Variants in TLN2 observed in about 807,000 individuals in gnomAD.
TLN2 encodes talin-2.
A neutral mutation model predicts 294.7 loss-of-function variants in TLN2; 118 were observed. The ratio of observed to expected loss-of-function variants is 0.40; its 90% confidence interval spans 0.34 to 0.47. The LOEUF (loss-of-function observed/expected upper bound fraction) is 0.47, where lower values mean the gene tolerates loss of function less well. Ranked by LOEUF, TLN2 falls within the 20% of genes least tolerant of loss-of-function variation. The probability of loss-of-function intolerance (pLI) is 0.84; values close to 1 mark genes in which losing one functional copy is unlikely to be tolerated. For synonymous variants in TLN2, 1,431 were observed against 1,304.5 expected, an observed-to-expected ratio of 1.10 and a Z score of -2.09; for missense variants, 3,083 against 3,282.2, an observed-to-expected ratio of 0.94 and a Z score of 1.48.
At chr15:62,642,898 C>T (rs1452314653) in intron 3 of TLN2, among the ~76,000 whole-genome samples, 5 of 152,086 alleles carry the variant, frequency 3.3e-5, no homozygotes, top group South Asian at 2.1e-4. Flanking sequence ...GAAGGGGTTT[C>T]GCCATGTTGG....
intron 3 of TLN2, chr15:62,637,297 T>A (rs1281639497): frequency 6.6e-6 from 1 of 152,226 alleles, no homozygotes; most frequent in Non-Finnish European, 1.5e-5. Flanking sequence ...AGTTAATGTA[T>A]AAAAGAATTC....
intron 11 of TLN2, among the ~76,000 whole-genome samples, chr15:62,684,475 C>T (rs957071562): frequency 7.2e-5 from 11 of 152,176 alleles, no homozygotes; most frequent in African/African-American, 2.7e-4. Flanking sequence ...AAAAATCTGA[C>T]GCTTGTCAGT....
At chr15:62,788,796 A>G (rs1321276695) in intron 45 of TLN2, among the ~76,000 whole-genome samples, 1 of 152,242 alleles carries the variant, frequency 6.6e-6, no homozygotes, top group East Asian at 1.9e-4. Context: ...CTCCTTTTCC[A>G]GCAGTACACA....
intron 1 of TLN2, among the ~76,000 whole-genome samples, chr15:62,481,041 A>G (rs1485997580): frequency 6.6e-6 from 1 of 152,062 alleles, no homozygotes; most frequent in African/African-American, 2.4e-5. Flanking sequence ...CCCCATTCCA[A>G]CGAACTAGTC....
chr15:62,594,265 G>A (rs1211150426), intron 2 of TLN2, among the ~76,000 whole-genome samples: 5 of 152,202 alleles, frequency 3.3e-5, no homozygotes, highest in Non-Finnish European at 7.4e-5. Flanking sequence ...CTGGAGTGCT[G>A]TGGTGAGTCC....
At chr15:62,527,312 T>G (rs1399028117) in intron 1 of TLN2, among the ~76,000 whole-genome samples, 2 of 152,134 alleles carry the variant, frequency 1.3e-5, no homozygotes, top group African/African-American at 4.8e-5. Context: ...TCTTGGCTGG[T>G]TGAGCTGGGA....
intron 42 of TLN2, among the ~76,000 whole-genome samples, chr15:62,773,458 A>T (rs188036414): frequency 1.3e-5 from 2 of 152,070 alleles, no homozygotes; most frequent in Admixed American, 6.5e-5. Context: ...GTCTCATTCA[A>T]CCTGCTCTCT....
chr15:62,488,253 A>G (rs2038518741), intron 1 of TLN2, among the ~76,000 whole-genome samples: 1 of 152,236 alleles, frequency 6.6e-6, no homozygotes, highest in Admixed American at 6.5e-5. Flanking sequence ...TCCATAGTAC[A>G]GTTATAAATC....
intron 2 of TLN2, among the ~76,000 whole-genome samples, chr15:62,612,342 G>A (rs2047986330): frequency 6.6e-6 from 1 of 152,128 alleles, no homozygotes; most frequent in Non-Finnish European, 1.5e-5. Context: ...ACAGTCTGCT[G>A]CCTCTAGGAA....
chr15:62,738,076 A>AG (rs910626114), intron 29 of TLN2, 138 bp from the exon 30 acceptor site: 16 of 908,132 alleles, frequency 1.8e-5, no homozygotes, highest in Non-Finnish European at 1.5e-5. Context: ...AGGTGATGTA[A>AG]GACAGGTAAG....
At position 62,651,991 on chromosome 15, in the gene TLN2, G is replaced by C. The variant is rs1033216029; in HGVS notation, c.235-14G>C. ...CCCACACAGTGTGAAATTTGTATGT[G>C]GTTTGTGCTCTAGGATATTTTGGAA... On this transcript the variant is annotated splice_polypyrimidine_tract_variant and intron_variant, in intron 5 of 58. Transcript: ENST00000636159. 2.5e-6 allele frequency: 4 copies of C among 1,587,756 alleles called. No homozygotes were observed. The African/African-American group carries it at 5.4e-5, about 21-fold the overall frequency.
At position 62,740,432 on chromosome 15, in the gene TLN2, C is replaced by G. The variant is rs547126717; in HGVS notation, c.3886-198C>G. 13 of 627,594 alleles carry G rather than the reference C, an allele frequency of 2.1e-5. No homozygotes were observed. In the African/African-American group the frequency reaches 2.4e-4, roughly 11 times the overall value. The allele number at this position is 627,594 out of a possible 1,614,324, so 38.9% of individuals were successfully genotyped here. ...GGATTTCTTTCCCTGTGGCATGCAT[C>G]TTGATCTGAGCATCTGTTTGGAGAA... is the stretch of plus-strand genomic sequence containing the variant. On this transcript the variant is annotated intron_variant, in intron 31 of 58. Coordinates refer to ENST00000636159, the MANE Select transcript of TLN2 (RefSeq NM_015059.3).
intron 1 of TLN2, among the ~76,000 whole-genome samples, chr15:62,398,970 G>A (rs902621867): frequency 6.6e-6 from 1 of 152,108 alleles, no homozygotes; most frequent in Non-Finnish European, 1.5e-5. Context: ...ATGGTTTCGT[G>A]GGCTGGGTCC....
intron 11 of TLN2, among the ~76,000 whole-genome samples, chr15:62,682,289 A>G (rs2056902883): frequency 6.6e-6 from 1 of 152,244 alleles, no homozygotes; most frequent in Admixed American, 6.5e-5. Context: ...CGCACAAAAT[A>G]TTCCTCTTGG....
rs117946508 is a variant in TLN2 at position 62,807,147 on chromosome 15, G to T, written c.6663+1362G>T. ...AGGGAGTTAGGACTCTCTCTCCTGA[G>T]GCTGCAAGTATTGGCCACTTTGATA... On this transcript the variant is annotated intron_variant, in intron 51 of 58. Coordinates refer to ENST00000636159, the MANE Select transcript of TLN2 (RefSeq NM_015059.3). 5.1e-3 allele frequency among the ~76,000 whole-genome samples: 769 copies of T among 152,186 alleles called. 6 individuals are homozygous for T. Among genetic ancestry groups the T allele is most frequent in the Middle Eastern group, 0.014 (4 of 294 alleles).
chr15:62,717,822 T>A (rs2059880711), intron 24 of TLN2, 133 bp downstream of exon 24: 2 of 587,826 alleles, frequency 3.4e-6, no homozygotes, highest in Admixed American at 7.8e-5. Flanking sequence ...GTTCCCATGT[T>A]CCAGGTGTCT....
At chr15:62,741,748 C>CGTGTGTGTGTGTGTGTGTGT (rs1555495658) in intron 32 of TLN2, among the ~76,000 whole-genome samples, 14 of 131,068 alleles carry the variant, frequency 1.1e-4, no homozygotes, top group Admixed American at 2.3e-4. Context: ...AAAATTTGCG[C>CGTGTGTGTGTGTGTGTGTGT]GTGTGTGTGT....
At chr15:62,555,822 A>G (rs1317289042) in intron 1 of TLN2, among the ~76,000 whole-genome samples, 1 of 152,056 alleles carries the variant, frequency 6.6e-6, no homozygotes, top group Admixed American at 6.5e-5. Flanking sequence ...TGTTCTAGTG[A>G]TAATAGAATA....
intron 19 of TLN2, among the ~76,000 whole-genome samples, chr15:62,706,688 T>C (rs770621336): frequency 2.0e-5 from 3 of 152,230 alleles, no homozygotes; most frequent in Non-Finnish European, 4.4e-5. Flanking sequence ...CCATGAATTA[T>C]AACCTTCTTA....
Sources: gnomAD v4.1 joint callset for allele counts (sites outside exome capture counted in the v4.1 genomes callset) on GRCh38, gnomAD v4.1.1 for gene constraint, MANE v1.5 for transcripts, NCBI Gene and HGNC (gene_info 2026-07-23, HGNC 2026-07-21) for gene names.